SEMA4D: variants seen among roughly 807,000 people sequenced by gnomAD.
SEMA4D encodes the protein semaphorin-4D.
In SEMA4D, 22 loss-of-function variants were observed where a neutral mutation model predicts 74.8. That is an observed-to-expected ratio of 0.29 (90% CI 0.21 to 0.42). The LOEUF is 0.42. SEMA4D is among the 10% of genes least tolerant of loss of function. The pLI is 1.00. For missense variants in SEMA4D, 937 were observed against 1,118.4 expected (o/e 0.84, Z 2.31); for synonymous variants, 445 against 463.7 (o/e 0.96, Z 0.52).
Position 89,446,907 on chromosome 9 carries a change from C to A in SEMA4D, c.-244+8981G>T, listed in dbSNP as rs1234215583. On this transcript the variant is annotated intron_variant, in intron 2 of 15. Transcript: ENST00000422704. The stretch of plus-strand genomic sequence containing the variant: ...GACTCGAAGTCTCAGCTGGGCGTGC[C>A]CCTGTGGGATAGGTGCTGCCCCCAA... Among the ~76,000 whole-genome samples the A allele has an allele frequency of 2.0e-5, 3 of 152,296 alleles. No individual in the cohort carries two copies. The East Asian group carries it at 5.8e-4, about 29-fold the overall frequency.
chr9:89,417,246 A>G (rs963166261), intron 2 of SEMA4D, among the ~76,000 whole-genome samples: 1 of 152,254 alleles, frequency 6.6e-6, no homozygotes, highest in Non-Finnish European at 1.5e-5. Flanking sequence ...TAATAAATAA[A>G]GTGATTTAAC....
rs772716259 is a variant in SEMA4D at position 89,391,293 on chromosome 9, G to T, written c.745C>A (p.Leu249Met). The change falls in exon 9 of 16, where the codon CTG (leucine) becomes ATG (methionine). Residue 249 changes from leucine (L) to methionine (M), a missense_variant. Leu to Met is a conservative substitution (Grantham distance 15). Coordinates refer to ENST00000422704, the MANE Select transcript of SEMA4D (RefSeq NM_001371194.2). Reference sequence around the variant, plus strand: ...CACACTCTTGCTATCCGTGGGATCAGCACCCTGAACACAAACTCATACTCC... The same window carrying T: ...CACACTCTTGCTATCCGTGGGATCATCACCCTGAACACAAACTCATACTCC... ...SVEYEFVFRVLIPRIARVCKG... is the reference protein window; with the variant it reads ...SVEYEFVFRVMIPRIARVCKG... The T allele has an allele frequency of 1.2e-6, 2 of 1,614,222 alleles. No individual in the cohort carries two copies. The highest frequency in any genetic ancestry group is 1.7e-6 in the Non-Finnish European group (2 of 1,180,032).
intron 6 of SEMA4D, among the ~76,000 whole-genome samples, chr9:89,396,186 G>A (rs1232360093): frequency 1.3e-5 from 2 of 152,094 alleles, no homozygotes; most frequent in African/African-American, 4.8e-5. Context: ...ACCCAGGAGT[G>A]GTTCAGTGAG....
chr9:89,464,677 A>G (rs1858206434), intron 1 of SEMA4D, among the ~76,000 whole-genome samples: 1 of 151,952 alleles, frequency 6.6e-6, no homozygotes, highest in African/African-American at 2.4e-5. Context: ...ACTGACAGCA[A>G]CTCAGGCAGT....
intron 2 of SEMA4D, among the ~76,000 whole-genome samples, chr9:89,429,021 C>T (rs1007036150): frequency 2.0e-5 from 3 of 152,190 alleles, no homozygotes; most frequent in Non-Finnish European, 2.9e-5. Flanking sequence ...TCCCCTTCCA[C>T]GCTCACTCCT....
chr9:89,407,255 T>C (rs1420944666), intron 2 of SEMA4D, among the ~76,000 whole-genome samples: 5 of 152,358 alleles, frequency 3.3e-5, no homozygotes, highest in Non-Finnish European at 5.9e-5. Context: ...ATTTATTAGA[T>C]GGCAATTCCA....
chr9:89,365,422 GCACCT>G (rs1833479090), intron 16 of SEMA4D: 1 of 152,546 alleles, frequency 6.6e-6, no homozygotes, highest in South Asian at 2.1e-4. Flanking sequence ...TCCCTGACCA[GCACCT>G]GCCCTTCCTC....
At chr9:89,370,315 G>A (rs1170327719) in intron 16 of SEMA4D, among the ~76,000 whole-genome samples, 1 of 151,218 alleles carries the variant, frequency 6.6e-6, no homozygotes, top group African/African-American at 2.4e-5. Context: ...GTTATGTCGT[G>A]TGTGTGTGTT....
chr9:89,468,497 C>G (rs923846596), intron 1 of SEMA4D, among the ~76,000 whole-genome samples: 4 of 152,186 alleles, frequency 2.6e-5, no homozygotes, highest in African/African-American at 9.7e-5. Flanking sequence ...TAAAAAGTGA[C>G]GGCAAAGCAA....
intron 2 of SEMA4D, among the ~76,000 whole-genome samples, chr9:89,444,716 C>T (rs1170774112): frequency 3.9e-5 from 6 of 151,988 alleles, no homozygotes; most frequent in African/African-American, 1.2e-4. Context: ...GCCAGAAAAT[C>T]CTCAGACAAC....
rs1837055069 is a variant in SEMA4D at position 89,381,499 on chromosome 9, C to T, written c.1447-153G>A. The stretch of plus-strand genomic sequence containing the variant: ...AGAGGTACTCAGAACCAGAGGCAAA[C>T]AAGGCAGGTCTGTGACCTTCCTGCA... On this transcript the variant is annotated intron_variant, in intron 13 of 15. Coordinates refer to ENST00000422704, the MANE Select transcript of SEMA4D (RefSeq NM_001371194.2). The surrounding 1 kb of genome is among the most constrained non-coding windows in gnomAD (Gnocchi z 4.6). 1.4e-6 allele frequency: 1 copy of T among 696,928 alleles called. No homozygotes were observed. The allele number at this position is 696,928 out of a possible 1,614,324, so 43.2% of individuals were successfully genotyped here.
At chr9:89,458,368 C>T (rs183667639) in intron 1 of SEMA4D, among the ~76,000 whole-genome samples, 71 of 152,240 alleles carry the variant, frequency 4.7e-4, no homozygotes, top group African/African-American at 1.5e-3. Context: ...CACATAGCAC[C>T]GCCCCTTTTC....
In SEMA4D at chr9:89,447,728, CCCA is replaced by C. The variant is rs1257358375; in HGVS notation, c.-244+8157_-244+8159del. Among the ~76,000 whole-genome samples, 5 of 151,204 alleles carry C rather than the reference CCCA, an allele frequency of 3.3e-5. 1 individual carries two copies. The South Asian group carries it at 1.0e-3, about 32-fold the overall frequency. On this transcript the variant is annotated intron_variant, in intron 2 of 15. Transcript: ENST00000422704. ...TTCCCCAACCCCTCAAACTCCCCCA[CCCA>C]CCACCTCCTCTCCTACCCCTACCCT...
rs372819462 is a variant in SEMA4D at position 89,363,147 on chromosome 9, A to T, written c.2190+283T>A. Among the ~76,000 whole-genome samples, 4 of 152,266 alleles carry T rather than the reference A, an allele frequency of 2.6e-5. No individual in the cohort carries two copies. The East Asian group carries it at 7.7e-4, about 29-fold the overall frequency. Reference sequence around the variant, plus strand: ...GAGAATGGGGTGGTCGTGGGGGCCCATCTAACTAGACAGCCCCACCTGTGA... The same window carrying T: ...GAGAATGGGGTGGTCGTGGGGGCCCTTCTAACTAGACAGCCCCACCTGTGA... On this transcript the variant is annotated intron_variant, in intron 18 of 18. Coordinates refer to the SEMA4D transcript ENST00000339861.
chr9:89,389,154 C>T, intron 9 of SEMA4D, 107 bp from the exon 10 acceptor site: 1 of 1,163,916 alleles, frequency 8.6e-7, no homozygotes, highest in Non-Finnish European at 1.2e-6. Context: ...GCGGCTGTGC[C>T]TGACTGAAAC....
intron 7 of SEMA4D, 49 bp from the exon 8 acceptor site, chr9:89,392,585 T>A (rs1564599784): frequency 8.6e-7 from 1 of 1,157,110 alleles, no homozygotes; most frequent in East Asian, 2.3e-5. Context: ...CCTCTCAGGC[T>A]ATGGCACCAA....
In SEMA4D at chr9:89,492,240, C is replaced by T. The variant is rs1019782380; in HGVS notation, c.-310+5679G>A. On this transcript the variant is annotated intron_variant, in intron 1 of 15. Coordinates refer to ENST00000422704, the MANE Select transcript of SEMA4D (RefSeq NM_001371194.2). The surrounding 1 kb of genome is among the most constrained non-coding windows in gnomAD (Gnocchi z 4.3). ...CTTCGGTTCTCACCTTCGTGACCTC[C>T]GCTGTCACCCTCCCTCTCATGCAAG... Among the ~76,000 whole-genome samples, 4 of 152,176 alleles carry T rather than the reference C, an allele frequency of 2.6e-5. No individual in the cohort carries two copies. The highest frequency in any genetic ancestry group is 9.7e-5 in the African/African-American group (4 of 41,424).
At chr9:89,429,354 G>A (rs942395227) in intron 2 of SEMA4D, among the ~76,000 whole-genome samples, 2 of 152,220 alleles carry the variant, frequency 1.3e-5, no homozygotes, top group African/African-American at 2.4e-5. Flanking sequence ...TTGGGGCCAG[G>A]AGAGGGGGCT....
At chr9:89,444,464 C>A (rs184938708) in intron 2 of SEMA4D, among the ~76,000 whole-genome samples, 1 of 152,192 alleles carries the variant, frequency 6.6e-6, no homozygotes, top group South Asian at 2.1e-4. Flanking sequence ...CGTGAAGAGA[C>A]AAGCAGGCCA....
Sources: gnomAD v4.1 joint callset for allele counts (sites outside exome capture counted in the v4.1 genomes callset) on GRCh38, gnomAD v4.1.1 for gene constraint, Gnocchi (gnomAD v3.1) non-coding constraint, MANE v1.5 for transcripts, NCBI Gene and HGNC (gene_info 2026-07-23, HGNC 2026-07-21) for gene names.